UGGT2: variants seen among roughly 807,000 people sequenced by gnomAD.
UGGT2 encodes the protein UDP-glucose glycoprotein glucosyltransferase 2.
Under a neutral mutation model 192.1 loss-of-function variants are expected in UGGT2, and 180 were observed. That is an observed-to-expected ratio of 0.94 (90% CI 0.83 to 1.06). The LOEUF is 1.06. Ranked by LOEUF, UGGT2 falls within the 50% of genes least tolerant of loss-of-function variation. The pLI, the probability that UGGT2 is intolerant of heterozygous loss-of-function variation, is 0.00. For missense variants in UGGT2, 1,849 were observed against 1,795.7 expected (o/e 1.03, Z -0.54); for synonymous variants, 580 against 591.0 (o/e 0.98, Z 0.27).
intron 12 of UGGT2, among the ~76,000 whole-genome samples, chr13:95,952,277 G>A (rs192440236): frequency 8.1e-4 from 124 of 152,168 alleles, no homozygotes; most frequent in Non-Finnish European, 1.4e-3. Context: ...GGTCCAAGAT[G>A]AAAGCATTAT....
chr13:95,853,728 G>A (rs2140036266), intron 35 of UGGT2, 71 bp from the exon 36 acceptor site: 1 of 975,318 alleles, frequency 1.0e-6, no homozygotes, highest in Non-Finnish European at 1.5e-6. Flanking sequence ...CCTCCAGTGA[G>A]TGTCTACAGT....
chr13:95,843,008 C>A (rs1888025515), intron 36 of UGGT2, among the ~76,000 whole-genome samples: 1 of 152,182 alleles, frequency 6.6e-6, no homozygotes, highest in South Asian at 2.1e-4. Context: ...AGCTGTTATG[C>A]AGCAACAGGT....
rs748062037 is a variant in UGGT2, at chr13:95,940,074, C to G, written c.1695G>C (p.Lys565Asn). 2 of 1,521,474 alleles carry G rather than the reference C, an allele frequency of 1.3e-6. No homozygotes were observed. Among genetic ancestry groups the G allele is most frequent in the African/African-American group, 1.4e-5 (1 of 70,524 alleles). The allele number at this position is 1,521,474 out of a possible 1,614,324, so 94.2% of individuals were successfully genotyped here. ...ISIVHMYQKV[K>N]KDQNILTVDN... ...CCACAGTGAGTATATTTTGATCCTT[C>G]TTCACTTTTTGGTACATCTGTGAAA... Residue 565 changes from lysine to asparagine, a missense_variant, in exon 16 of 39, where the codon AAG becomes AAC. Coordinates refer to ENST00000376747, the MANE Select transcript of UGGT2 (RefSeq NM_020121.4).
At chr13:95,884,730 C>A (rs771533902) in intron 26 of UGGT2, 50 bp from the exon 27 acceptor site, 1 of 1,506,402 alleles carries the variant, frequency 6.6e-7, no homozygotes, top group East Asian at 2.3e-5. Context: ...TGAGATTTTT[C>A]TTTTAAAATA....
chr13:95,876,362 G>A (rs967249008), intron 29 of UGGT2, among the ~76,000 whole-genome samples: 16 of 152,220 alleles, frequency 1.1e-4, no homozygotes, highest in African/African-American at 3.6e-4. Context: ...CTGGCATTGA[G>A]GCTGGGCAAT....
intron 9 of UGGT2, among the ~76,000 whole-genome samples, 187 bp downstream of exon 9, chr13:95,986,140 ACACATG>A (rs2051283233): frequency 1.6e-5 from 1 of 62,836 alleles, no homozygotes; most frequent in African/African-American, 4.9e-5. Context: ...CAGTGCATAC[ACACATG>A]TATGCACAAG....
intron 2 of UGGT2, among the ~76,000 whole-genome samples, chr13:96,029,360 C>T (rs1176874073): frequency 1.4e-5 from 2 of 147,316 alleles, no homozygotes; most frequent in African/African-American, 5.0e-5. Flanking sequence ...GATCTCGGCT[C>T]ACTGCAGCCT....
In UGGT2 at chr13:95,807,883, GGTATTTTC is replaced by G. The variant is rs557286591; in HGVS notation, c.4529-6079_4529-6072del. Reference sequence around the variant, plus strand: ...TCATGGCTTTTTCTATAACAATGATGGTATTTTCAATATTATCATCCTTCCAGACTTTC... The same window carrying G: ...TCATGGCTTTTTCTATAACAATGATGAATATTATCATCCTTCCAGACTTTC... On this transcript the variant is annotated intron_variant, in intron 38 of 38. Transcript: ENST00000376747. Among the ~76,000 whole-genome samples, 374 of 151,776 alleles carry G rather than the reference GGTATTTTC, an allele frequency of 2.5e-3. 3 individuals are homozygous for G. Among genetic ancestry groups the G allele is most frequent in the African/African-American group, 8.6e-3 (356 of 41,350 alleles).
Position 95,877,750 on chromosome 13 carries a change from A to G in UGGT2, c.3335T>C (p.Leu1112Pro), listed in dbSNP as rs890587869. 1.9e-6 allele frequency: 3 copies of G among 1,613,948 alleles called. No individual in the cohort carries two copies. The highest frequency in any genetic ancestry group is 1.7e-5 in the Admixed American group (1 of 60,000). The change falls in exon 28 of 39, where the codon CTA becomes CCA. Residue 1112 changes from leucine to proline, a missense_variant. Coordinates refer to ENST00000376747, the MANE Select transcript of UGGT2 (RefSeq NM_020121.4). Reference protein sequence around the residue: ...EQPPRGLQFTLGTKNKPAVVD... With the variant: ...EQPPRGLQFTPGTKNKPAVVD... ...CACAGCAGGTTTATTTTTTGTGCCT[A>G]GTGTGAACTGCAGACCCCGAGGAGG... is the stretch of plus-strand genomic sequence containing the variant.
At chr13:95,842,827 T>C (rs751635731) in intron 36 of UGGT2, among the ~76,000 whole-genome samples, 7 of 152,188 alleles carry the variant, frequency 4.6e-5, no homozygotes, top group Non-Finnish European at 8.8e-5. Context: ...TCCACAACCA[T>C]GTGAGTGACT....
chr13:95,919,886 C>G (rs1169716294), intron 20 of UGGT2, among the ~76,000 whole-genome samples: 2 of 151,950 alleles, frequency 1.3e-5, no homozygotes, highest in Non-Finnish European at 2.9e-5. Flanking sequence ...AAAAAGAGCC[C>G]GAATAGTCAA....
At chr13:95,910,009 A>G (rs1360880715) in intron 20 of UGGT2, among the ~76,000 whole-genome samples, 1 of 152,120 alleles carries the variant, frequency 6.6e-6, no homozygotes, top group Non-Finnish European at 1.5e-5. Flanking sequence ...TAAGTGAAGG[A>G]GAAATAAAAT....
chr13:95,978,731 T>A (rs535320025), intron 10 of UGGT2, among the ~76,000 whole-genome samples: 76 of 152,234 alleles, frequency 5.0e-4, no homozygotes, highest in Non-Finnish European at 3.5e-4. Flanking sequence ...TCTAGTTTCA[T>A]TCTTTACGAT....
At position 95,990,090 on chromosome 13, in the gene UGGT2, A is replaced by G; in HGVS notation, c.831-17T>C. 6.5e-7 allele frequency: 1 copy of G among 1,533,020 alleles called. No individual in the cohort carries two copies. The highest frequency in any genetic ancestry group is 8.9e-7 in the Non-Finnish European group (1 of 1,121,934). 95.0% of individuals were successfully genotyped at this position (1,533,020 alleles called of 1,614,324 possible). On this transcript the variant is annotated splice_polypyrimidine_tract_variant and intron_variant, in intron 7 of 38. Transcript: ENST00000376747. ...TATATTTCTCTGCATCAAAATATTAAGTGATGTTAAGTAGCATCACCTATC... is the reference window on the plus strand; with the variant it reads ...TATATTTCTCTGCATCAAAATATTAGGTGATGTTAAGTAGCATCACCTATC...
intron 26 of UGGT2, chr13:95,887,232 TAA>T (rs1288309792): frequency 2.0e-6 from 1 of 498,328 alleles, no homozygotes; most frequent in Non-Finnish European, 4.0e-6. Flanking sequence ...ATGAGCACAT[TAA>T]AAAGTCTTAA....
At chr13:95,882,156 C>T (rs1300177097) in intron 27 of UGGT2, among the ~76,000 whole-genome samples, 4 of 152,160 alleles carry the variant, frequency 2.6e-5, no homozygotes, top group South Asian at 2.1e-4. Context: ...GATCCACCCA[C>T]GTTGGCCTGC....
At chr13:96,012,099 T>C (rs2052179664) in intron 5 of UGGT2, among the ~76,000 whole-genome samples, 1 of 152,078 alleles carries the variant, frequency 6.6e-6, no homozygotes, top group Admixed American at 6.5e-5. Context: ...TATTTTTGTG[T>C]AGAATAGACA....
intron 12 of UGGT2, among the ~76,000 whole-genome samples, chr13:95,961,021 C>A (rs933703666): frequency 6.6e-6 from 1 of 152,112 alleles, no homozygotes; most frequent in African/African-American, 2.4e-5. Context: ...ACCAGCCCTG[C>A]AAGAAATGCT....
chr13:95,890,014 C>T (rs769921555), intron 25 of UGGT2, among the ~76,000 whole-genome samples: 1 of 152,062 alleles, frequency 6.6e-6, no homozygotes, highest in Non-Finnish European at 1.5e-5. Flanking sequence ...GTGTAGCTGC[C>T]TTAGCAACCC....
Sources: allele counts gnomAD v4.1 joint callset (sites outside exome capture counted in the v4.1 genomes callset), GRCh38; gene constraint gnomAD v4.1.1; transcripts MANE v1.5; gene names NCBI Gene and HGNC (gene_info 2026-07-23, HGNC 2026-07-21).